TMEM236: variants seen among roughly 807,000 people sequenced by gnomAD.
TMEM236 encodes the protein transmembrane protein 236, also known as family with sequence similarity 23, member A.
TMEM236 carries 11 observed loss-of-function variants against 14.7 expected under a neutral mutation model. The observed-to-expected ratio is 0.75, with a 90% CI of 0.47 to 1.24. The LOEUF (loss-of-function observed/expected upper bound fraction) is 1.24, where lower values mean the gene tolerates loss of function less well. Among genes scored for constraint, TMEM236 ranks in the 50% most tolerant of loss-of-function variants. TMEM236 has a pLI of 0.00. For missense variants in TMEM236, 464 were observed against 427.3 expected (o/e 1.09, Z -0.76); for synonymous variants, 182 against 168.6 (o/e 1.08, Z -0.62).
In TMEM236 at chr10:17,798,836, T is replaced by A. The variant is rs1367961008; in HGVS notation, c.*2332T>A. The A allele has an allele frequency of 2.6e-6, 1 of 385,768 alleles. No individual in the cohort carries two copies. The highest frequency in any genetic ancestry group is 5.2e-6 in the Non-Finnish European group (1 of 192,426). 23.9% of individuals were successfully genotyped at this position (385,768 alleles called of 1,614,324 possible). A position where few individuals can be genotyped will look rare whatever the true frequency, so the allele number is the denominator to read the frequency against. On this transcript the variant is annotated 3_prime_UTR_variant, in exon 4 of 4. Transcript: ENST00000377495. ...GAGCACATTTTCTGGCAAACCATAA[T>A]AACTTGATAAATGCTAAGCATTGGA...
At chr10:17,771,660 G>C (rs1279284335) in intron 2 of TMEM236, among the ~76,000 whole-genome samples, 1 of 152,132 alleles carries the variant, frequency 6.6e-6, no homozygotes, top group Non-Finnish European at 1.5e-5. Flanking sequence ...TGTGAAAGTT[G>C]ATCTATATTT....
At chr10:17,764,197 T>A (rs1837422963) in intron 1 of TMEM236, among the ~76,000 whole-genome samples, 1 of 152,194 alleles carries the variant, frequency 6.6e-6, no homozygotes, top group Non-Finnish European at 1.5e-5. Flanking sequence ...CCACCATGCT[T>A]CCTCTATGAG....
chr10:17,759,955 C>G (rs1053450644), intron 1 of TMEM236, among the ~76,000 whole-genome samples: 1 of 131,868 alleles, frequency 7.6e-6, no homozygotes, highest in African/African-American at 2.9e-5. Flanking sequence ...TGCAGTCCGG[C>G]CTGGACGAAA....
intron 3 of TMEM236, among the ~76,000 whole-genome samples, chr10:17,791,662 A>C (rs34601069): frequency 0.19 from 29,513 of 152,046 alleles, 2,964 homozygotes; most frequent in East Asian, 0.27. Context: ...GGATATTTAC[A>C]CAGGCCATTT....
At chr10:17,754,925 T>TTTA (rs1244973445) in intron 1 of TMEM236, among the ~76,000 whole-genome samples, 857 of 7,766 alleles carry the variant, frequency 0.11, 5 homozygotes, top group African/African-American at 0.39. Context: ...ATACTGATGT[T>TTTA]TTATTTATTT....
intron 1 of TMEM236, among the ~76,000 whole-genome samples, chr10:17,759,945 TGCAGTCCGGCCTGGACGAAAGA>T (rs1837332458): frequency 8.0e-6 from 1 of 124,996 alleles, no homozygotes; most frequent in East Asian, 2.5e-4. Flanking sequence ...ATAGCGCCGC[TGCAGTCCGGCCTGGACGAAAGA>T]GCGAGACTCC....
intron 1 of TMEM236, among the ~76,000 whole-genome samples, chr10:17,765,153 T>C (rs61844005): frequency 0.54 from 81,190 of 151,714 alleles, 21,773 homozygotes; most frequent in Middle Eastern, 0.61. Context: ...ACACCAGTCA[T>C]ATTGGATCAG....
intron 1 of TMEM236, among the ~76,000 whole-genome samples, chr10:17,757,237 G>A (rs1475432135): frequency 6.6e-6 from 1 of 152,168 alleles, no homozygotes; most frequent in East Asian, 1.9e-4. Context: ...AAGTGTACAT[G>A]CTAAAGTTCT....
At chr10:17,789,887 G>T (rs1018884705) in intron 3 of TMEM236, among the ~76,000 whole-genome samples, 1 of 152,016 alleles carries the variant, frequency 6.6e-6, no homozygotes. Flanking sequence ...AGCCGGGCGT[G>T]GGGGCGGGCG....
intron 1 of TMEM236, among the ~76,000 whole-genome samples, chr10:17,764,580 T>G (rs537877555): frequency 6.6e-6 from 1 of 152,196 alleles, no homozygotes. Context: ...GAAATTTGTT[T>G]CAAATTCTGA....
intron 1 of TMEM236, among the ~76,000 whole-genome samples, chr10:17,767,415 C>G (rs572726303): frequency 6.6e-5 from 10 of 152,284 alleles, no homozygotes; most frequent in South Asian, 2.1e-4. Context: ...GAGCTGAGAT[C>G]AGCCATTGCA....
chr10:17,790,836 G>A (rs1309060717), intron 3 of TMEM236, among the ~76,000 whole-genome samples: 1 of 152,190 alleles, frequency 6.6e-6, no homozygotes, highest in East Asian at 1.9e-4. Context: ...TTGTTTCTGA[G>A]TAATTATGTT....
Position 17,756,224 on chromosome 10 carries a change from A to T in TMEM236, c.257+3672A>T, listed in dbSNP as rs1228111639. 4.6e-5 allele frequency among the ~76,000 whole-genome samples: 7 copies of T among 152,330 alleles called. No individual in the cohort carries two copies. In the East Asian group the frequency reaches 1.3e-3, roughly 29 times the overall value. On this transcript the variant is annotated intron_variant, in intron 1 of 3. Coordinates refer to ENST00000377495, the MANE Select transcript of TMEM236 (RefSeq NM_001098844.3). ...ATCTATGATTGTGCCACTGCACTCT[A>T]GCCTGGGTGACAGATGGAGACCCCC...
At chr10:17,768,086 G>GTTTTTTTTTTTT (rs879036347) in intron 1 of TMEM236, among the ~76,000 whole-genome samples, 19 of 92,012 alleles carry the variant, frequency 2.1e-4, no homozygotes, top group African/African-American at 3.1e-4. Flanking sequence ...AATTTTTGTG[G>GTTTTTTTTTTTT]TTTTTTTTTT....
rs1838071457 is a variant in TMEM236 at position 17,800,007 on chromosome 10, T to C, written c.*3503T>C. 1 of 152,376 alleles carries C rather than the reference T, an allele frequency of 6.6e-6. No homozygotes were observed. Among genetic ancestry groups the C allele is most frequent in the Non-Finnish European group, 1.5e-5 (1 of 68,014 alleles). The allele number at this position is 152,376 out of a possible 1,614,324, so 9.4% of individuals were successfully genotyped here. A position where few individuals can be genotyped will look rare whatever the true frequency, so the allele number is the denominator to read the frequency against. ...TACAGCAAATTACACTGCGAAAACATTGATAGTTCTACACTGTAATTAAAT... is the reference window on the plus strand; with the variant it reads ...TACAGCAAATTACACTGCGAAAACACTGATAGTTCTACACTGTAATTAAAT... On this transcript the variant is annotated 3_prime_UTR_variant, in exon 4 of 4. Transcript: ENST00000377495.
intron 3 of TMEM236, among the ~76,000 whole-genome samples, chr10:17,789,095 A>T (rs1200456842): frequency 6.6e-6 from 1 of 152,186 alleles, no homozygotes; most frequent in Non-Finnish European, 1.5e-5. Context: ...CTGAACACTG[A>T]TAATGGAATT....
chr10:17,780,570 G>T (rs1589148934), intron 3 of TMEM236, among the ~76,000 whole-genome samples: 1 of 152,172 alleles, frequency 6.6e-6, no homozygotes, highest in African/African-American at 2.4e-5. Context: ...GTTTGCAGGA[G>T]TTTGTAGGTA....
intron 3 of TMEM236, among the ~76,000 whole-genome samples, chr10:17,791,592 TTCC>T (rs1837926898): frequency 6.6e-6 from 1 of 152,210 alleles, no homozygotes; most frequent in South Asian, 2.1e-4. Context: ...CCTCTCCCAC[TTCC>T]TCTCTGCATC....
intron 3 of TMEM236, among the ~76,000 whole-genome samples, chr10:17,787,958 A>G (rs1038238129): frequency 1.3e-5 from 2 of 152,200 alleles, no homozygotes; most frequent in East Asian, 3.9e-4. Context: ...ATTTCAGACC[A>G]TTTCAAAGTA....
Sources: gnomAD v4.1 joint callset for allele counts (sites outside exome capture counted in the v4.1 genomes callset) on GRCh38, gnomAD v4.1.1 for gene constraint, MANE v1.5 for transcripts, NCBI Gene and HGNC (gene_info 2026-07-23, HGNC 2026-07-21) for gene names.